The following CHODL variants were observed in gnomAD, a reference collection of about 807,000 sequenced individuals.
CHODL encodes chondrolectin, also known as transmembrane protein MT75.
A neutral mutation model predicts 34.5 loss-of-function variants in CHODL; 29 were observed. The observed-to-expected ratio is 0.84, with a 90% confidence interval of 0.63 to 1.15. The LOEUF (loss-of-function observed/expected upper bound fraction) is 1.15, where lower values mean the gene tolerates loss of function less well. Ranked by LOEUF, CHODL falls within the 50% of genes most tolerant of loss-of-function variation. The probability of loss-of-function intolerance (pLI) is 0.00; values close to 1 mark genes in which losing one functional copy is unlikely to be tolerated. For synonymous variants in CHODL, 125 were observed against 116.1 expected (o/e 1.08, Z -0.49); for missense variants, 332 against 332.5 (o/e 1.00, Z 0.01).
At chr21:18,036,711 C>G (rs2064315220) in intron 2 of CHODL, among the ~76,000 whole-genome samples, 1 of 151,802 alleles carries the variant, frequency 6.6e-6, no homozygotes, top group African/African-American at 2.4e-5. Flanking sequence ...TAATTTTTTT[C>G]TGTTACTTGA....
intron 2 of CHODL, among the ~76,000 whole-genome samples, chr21:18,187,377 AG>A (rs2073456448): frequency 6.6e-6 from 1 of 152,080 alleles, no homozygotes; most frequent in African/African-American, 2.4e-5. Flanking sequence ...TTTAATATTC[AG>A]CTCAAGCACT....
chr21:18,253,644 A>T (rs1274052287), intron 1 of CHODL, among the ~76,000 whole-genome samples: 1 of 152,118 alleles, frequency 6.6e-6, no homozygotes, highest in African/African-American at 2.4e-5. Flanking sequence ...AGAAATTTTA[A>T]AATAATACAT....
At chr21:17,956,823 A>G (rs962750495) in intron 1 of CHODL, among the ~76,000 whole-genome samples, 1 of 140,482 alleles carries the variant, frequency 7.1e-6, no homozygotes, top group Non-Finnish European at 1.6e-5. Context: ...CCAAGAACAT[A>G]GTTGCAAATT....
chr21:17,968,586 A>G (rs146937562), intron 1 of CHODL, among the ~76,000 whole-genome samples: 1 of 152,268 alleles, frequency 6.6e-6, no homozygotes, highest in African/African-American at 2.4e-5. Context: ...TTCTTTCACC[A>G]AAGAAAGTAC....
In CHODL at chr21:18,109,580, CT is replaced by C. The variant is rs1283599138; in HGVS notation, c.-45+81610del. Among the ~76,000 whole-genome samples, 4 of 152,102 alleles carry C rather than the reference CT, an allele frequency of 2.6e-5. No individual in the cohort carries two copies. In the South Asian group the frequency reaches 8.3e-4, roughly 32 times the overall value. On this transcript the variant is annotated intron_variant, in intron 2 of 6. Transcript: ENST00000400127. ...GTCAAGACTTCAGCTGTAGTCCTGT[CT>C]GCTGTTTTACCTCTTTCATTCTTGT... is the stretch of plus-strand genomic sequence containing the variant.
intron 2 of CHODL, among the ~76,000 whole-genome samples, chr21:18,093,774 C>T (rs940124110): frequency 1.3e-5 from 2 of 151,794 alleles, no homozygotes; most frequent in African/African-American, 2.4e-5. Flanking sequence ...AAGCATACCA[C>T]CAGAGAAAAT....
intron 2 of CHODL, among the ~76,000 whole-genome samples, chr21:18,187,105 C>T (rs1356598818): frequency 3.9e-5 from 6 of 152,076 alleles, no homozygotes; most frequent in Admixed American, 1.3e-4. Context: ...AAAGTTTGGG[C>T]AGAATAGAGT....
intron 2 of CHODL, among the ~76,000 whole-genome samples, chr21:18,127,348 A>C (rs1404288800): frequency 6.6e-6 from 1 of 152,166 alleles, no homozygotes; most frequent in African/African-American, 2.4e-5. Flanking sequence ...ATCTGTTATC[A>C]AAAAAGTAAA....
At chr21:18,112,662 G>A (rs932534393) in intron 2 of CHODL, among the ~76,000 whole-genome samples, 3 of 151,980 alleles carry the variant, frequency 2.0e-5, no homozygotes, top group Admixed American at 1.3e-4. Flanking sequence ...CATACATTGG[G>A]GAAAAAACAC....
intron 1 of CHODL, among the ~76,000 whole-genome samples, chr21:17,994,410 C>T (rs1309962961): frequency 6.6e-6 from 1 of 152,124 alleles, no homozygotes. Flanking sequence ...GTCACCAGTG[C>T]AATGTCATGC....
At chr21:18,240,058 C>T (rs2074067002), upstream of CHODL, among the ~76,000 whole-genome samples, 3 of 151,970 alleles carry the variant, frequency 2.0e-5, no homozygotes, top group Admixed American at 2.0e-4. Context: ...TAGCGATTTC[C>T]AACTTCTTTG....
chr21:18,040,103 G>T (rs1188672964), intron 2 of CHODL, among the ~76,000 whole-genome samples: 1 of 151,768 alleles, frequency 6.6e-6, no homozygotes, highest in East Asian at 1.9e-4. Context: ...TCATAATTGA[G>T]TCTTATAATT....
chr21:18,182,937 G>A (rs889403622), intron 2 of CHODL, among the ~76,000 whole-genome samples: 4 of 152,086 alleles, frequency 2.6e-5, no homozygotes, highest in African/African-American at 9.7e-5. Flanking sequence ...ATGGAGGTAG[G>A]CCAAGAGGGT....
chr21:18,081,129 G>A (rs150142), intron 2 of CHODL, among the ~76,000 whole-genome samples: 8 of 151,682 alleles, frequency 5.3e-5, no homozygotes, highest in African/African-American at 1.5e-4. Flanking sequence ...GGATTTTGTC[G>A]TTGGCTGGAT....
chr21:18,137,400 A>G (rs1332855714), intron 2 of CHODL, among the ~76,000 whole-genome samples: 1 of 152,200 alleles, frequency 6.6e-6, no homozygotes, highest in East Asian at 1.9e-4. Flanking sequence ...AAGAATTACA[A>G]CACAGTCAAC....
At chr21:17,991,137 C>G (rs1431489085) in intron 1 of CHODL, among the ~76,000 whole-genome samples, 1 of 152,028 alleles carries the variant, frequency 6.6e-6, no homozygotes, top group Non-Finnish European at 1.5e-5. Context: ...GACAGAATTT[C>G]TTTCTTTTCC....
intron 5 of CHODL, among the ~76,000 whole-genome samples, chr21:18,265,526 A>G (rs1306997521): frequency 1.3e-5 from 2 of 152,096 alleles, no homozygotes; most frequent in African/African-American, 4.8e-5. Context: ...TCAGAGGGAA[A>G]GAGTAGGAAG....
At chr21:18,126,159 A>G (rs1395472152) in intron 2 of CHODL, among the ~76,000 whole-genome samples, 1 of 152,196 alleles carries the variant, frequency 6.6e-6, no homozygotes, top group African/African-American at 2.4e-5. Flanking sequence ...CTCTTAAAAA[A>G]ATTGCCACAG....
At chr21:18,007,753 A>C (rs925971240) in intron 1 of CHODL, among the ~76,000 whole-genome samples, 3 of 152,208 alleles carry the variant, frequency 2.0e-5, no homozygotes, top group African/African-American at 7.2e-5. Context: ...AAGGTTTTTC[A>C]CTATATGGAA....
Sources: gnomAD v4.1 joint callset for allele counts (sites outside exome capture counted in the v4.1 genomes callset) on GRCh38, gnomAD v4.1.1 for gene constraint, MANE v1.5 for transcripts, NCBI Gene and HGNC (gene_info 2026-07-23, HGNC 2026-07-21) for gene names.